TENM1: variants seen among roughly 807,000 people sequenced by gnomAD.
TENM1 encodes the protein teneurin-1.
In TENM1, 35 loss-of-function variants were observed where a neutral mutation model predicts 174.8. The observed-to-expected ratio is 0.20, with a 90% CI of 0.15 to 0.27. TENM1 has a LOEUF of 0.27. Ranked by LOEUF, TENM1 falls within the 10% of genes least tolerant of loss-of-function variation. The pLI, the probability that TENM1 is intolerant of heterozygous loss-of-function variation, is 1.00. For synonymous variants in TENM1, 781 were observed against 798.7 expected, an observed-to-expected ratio of 0.98 and a Z score of 0.37; for missense variants, 1,633 against 2,130.1, an observed-to-expected ratio of 0.77 and a Z score of 4.59.
intron 9 of TENM1, among the ~76,000 whole-genome samples, chrX:124,645,994 G>A (rs764865396): frequency 1.6e-4 from 18 of 111,810 alleles, no homozygotes; most frequent in Middle Eastern, 4.2e-3. Flanking sequence ...ATTCGCTACT[G>A]AATGGAATTT....
intron 3 of TENM1, among the ~76,000 whole-genome samples, chrX:124,807,916 C>CACACACACACACACACACACACACACAA (rs746369843): frequency 9.4e-6 from 1 of 106,867 alleles, no homozygotes; most frequent in African/African-American, 3.5e-5. Flanking sequence ...CACACACACA[C>CACACACACACACACACACACACACACAA]ACAGAGGAAG....
chrX:124,471,583 TATA>T, intron 22 of TENM1, among the ~76,000 whole-genome samples: 1 of 76,089 alleles, frequency 1.3e-5, no homozygotes, highest in East Asian at 3.8e-4. Flanking sequence ...ATATATAATA[TATA>T]ATTATATAAT....
intron 3 of TENM1, among the ~76,000 whole-genome samples, chrX:124,758,738 T>C (rs1259452944): frequency 9.0e-6 from 1 of 111,613 alleles, no homozygotes; most frequent in Non-Finnish European, 1.9e-5. Flanking sequence ...CACAAAATGA[T>C]GAATCTGGAA....
chrX:125,078,309 T>C, the TENM1 span, among the ~76,000 whole-genome samples: 1 of 111,981 alleles, frequency 8.9e-6, no homozygotes, highest in Non-Finnish European at 1.9e-5. Context: ...TTACCAAGAA[T>C]TATATTTCAA....
chrX:125,020,795 T>C, the TENM1 span, among the ~76,000 whole-genome samples: 1 of 111,628 alleles, frequency 9.0e-6, no homozygotes, highest in Non-Finnish European at 1.9e-5. Flanking sequence ...TTGTCTACAT[T>C]AGTTAAATGA....
intron 11 of TENM1, among the ~76,000 whole-genome samples, chrX:124,605,046 G>C (rs2050118817): frequency 9.4e-6 from 1 of 106,360 alleles, no homozygotes; most frequent in Admixed American, 1.0e-4. Flanking sequence ...CCTTGCTTGG[G>C]ACTCTTCAAA....
intron 11 of TENM1, among the ~76,000 whole-genome samples, chrX:124,571,674 A>C (rs779631345): frequency 2.3e-4 from 26 of 112,154 alleles, no homozygotes; most frequent in Non-Finnish European, 4.1e-4. Context: ...ACTGCTATTA[A>C]CAACTTTATG....
At chrX:124,521,513 C>T (rs1482210508) in intron 17 of TENM1, among the ~76,000 whole-genome samples, 1 of 112,201 alleles carries the variant, frequency 8.9e-6, no homozygotes, top group Non-Finnish European at 1.9e-5. Flanking sequence ...GCAAATTTTA[C>T]ACTAAACGTT....
intron 23 of TENM1, among the ~76,000 whole-genome samples, chrX:124,448,014 A>G (rs2060984177): frequency 9.0e-6 from 1 of 111,575 alleles, no homozygotes; most frequent in Non-Finnish European, 1.9e-5. Context: ...AACTGAACCC[A>G]TCATCCAACC....
the TENM1 span, among the ~76,000 whole-genome samples, chrX:125,196,517 A>G: frequency 4.5e-5 from 5 of 111,857 alleles, no homozygotes; most frequent in Non-Finnish European, 9.4e-5. Flanking sequence ...AGCAGCTTAA[A>G]AAAAGAAAAT....
At chrX:124,485,495 G>A (rs777782981) in intron 21 of TENM1, among the ~76,000 whole-genome samples, 243 of 110,975 alleles carry the variant, frequency 2.2e-3, no homozygotes, top group African/African-American at 7.9e-3. Context: ...AAAAAGAAGG[G>A]GTCAAAACCC....
chrX:124,406,295 A>T, intron 26 of TENM1, 22 bp downstream of exon 29: 2 of 1,179,608 alleles, frequency 1.7e-6, no homozygotes, highest in Non-Finnish European at 2.3e-6. Context: ...TTACAGTCAG[A>T]TATCGTTGGA....
the TENM1 span, among the ~76,000 whole-genome samples, chrX:125,030,976 A>T: frequency 0.058 from 6,391 of 110,697 alleles, 465 homozygotes; most frequent in African/African-American, 0.2. Flanking sequence ...TTCTACTTTT[A>T]TTTTAGATTC....
intron 13 of TENM1, among the ~76,000 whole-genome samples, chrX:124,562,140 A>T (rs1003646329): frequency 1.8e-5 from 2 of 111,810 alleles, no homozygotes; most frequent in African/African-American, 6.5e-5. Context: ...CCTCATCTCA[A>T]TCAAAACTAT....
At chrX:125,043,100 G>A in the TENM1 span, among the ~76,000 whole-genome samples, 308 of 105,949 alleles carry the variant, frequency 2.9e-3, no homozygotes, top group African/African-American at 0.01. Flanking sequence ...GGACATAGGC[G>A]TGGGCAAGGA....
At chrX:124,798,602 G>A (rs1174985051) in intron 3 of TENM1, among the ~76,000 whole-genome samples, 4 of 111,033 alleles carry the variant, frequency 3.6e-5, no homozygotes, top group Non-Finnish European at 5.7e-5. Flanking sequence ...TTTGTCAGAT[G>A]GGTAGATTGC....
At chrX:125,130,830 A>G in the TENM1 span, among the ~76,000 whole-genome samples, 2,495 of 111,987 alleles carry the variant, frequency 0.022, 72 homozygotes, top group African/African-American at 0.076. Context: ...TACAATAATG[A>G]ACAAAACAAA....
intron 25 of TENM1, among the ~76,000 whole-genome samples, chrX:124,408,940 A>G (rs1373091976): frequency 9.5e-6 from 1 of 104,966 alleles, no homozygotes; most frequent in African/African-American, 3.5e-5. Context: ...TGTCCTTGTG[A>G]TAGTTTGCTG....
intron 11 of TENM1, among the ~76,000 whole-genome samples, chrX:124,580,498 A>G (rs1007881770): frequency 9.1e-6 from 1 of 109,713 alleles, no homozygotes; most frequent in Non-Finnish European, 1.9e-5. Flanking sequence ...CTATATACAC[A>G]TGTGTGTGTA....
Sources: gnomAD v4.1 joint callset for allele counts (sites outside exome capture counted in the v4.1 genomes callset) on GRCh38, gnomAD v4.1.1 for gene constraint, MANE v1.5 for transcripts, NCBI Gene and HGNC (gene_info 2026-07-23, HGNC 2026-07-21) for gene names.